The following QDPR variants were observed in gnomAD, a reference collection of about 807,000 sequenced individuals.
QDPR encodes the protein quinoid dihydropteridine reductase.
A neutral mutation model predicts 31.7 loss-of-function variants in QDPR; 23 were observed. The observed-to-expected ratio is 0.73, with a 90% CI of 0.52 to 1.03. QDPR has a LOEUF of 1.03. QDPR is among the 50% of genes least tolerant of loss of function. The pLI, the probability that QDPR is intolerant of heterozygous loss-of-function variation, is 0.00. For missense variants in QDPR, 324 were observed against 323.8 expected, an observed-to-expected ratio of 1.00 and a Z score of 0.00; for synonymous variants, 124 against 124.7, an observed-to-expected ratio of 0.99 and a Z score of 0.03.
chr4:17,493,129 A>G (rs1050047071), intron 4 of QDPR, among the ~76,000 whole-genome samples: 8 of 152,118 alleles, frequency 5.3e-5, no homozygotes, highest in African/African-American at 1.7e-4. Flanking sequence ...CCAGACACCA[A>G]CTGGGTGTCT....
rs148461725 is a variant in QDPR at position 17,505,013 on chromosome 4, T to C, written c.199-538A>G. On this transcript the variant is annotated intron_variant, in intron 2 of 6. Transcript: ENST00000281243. ...AAAAAATACAGTCAATAGCAATATGTTGGTAATATTAAGTACATGGGGGTT... is the reference window on the plus strand; with the variant it reads ...AAAAAATACAGTCAATAGCAATATGCTGGTAATATTAAGTACATGGGGGTT... 4.9e-3 allele frequency among the ~76,000 whole-genome samples: 744 copies of C among 152,272 alleles called. 7 individuals carry two copies. The highest frequency in any genetic ancestry group is 0.017 in the African/African-American group (726 of 41,556).
chr4:17,505,673 A>G (rs1405911961), intron 2 of QDPR, among the ~76,000 whole-genome samples: 2 of 152,198 alleles, frequency 1.3e-5, no homozygotes, highest in East Asian at 3.8e-4. Context: ...GCAACATAAC[A>G]AGACCTCATC....
intron 2 of QDPR, among the ~76,000 whole-genome samples, chr4:17,508,907 C>T (rs1282406085): frequency 1.3e-5 from 2 of 152,108 alleles, no homozygotes; most frequent in East Asian, 1.9e-4. Context: ...GCCTGTAATC[C>T]GAGCACTTTG....
intron 4 of QDPR, among the ~76,000 whole-genome samples, chr4:17,494,426 A>G (rs977850434): frequency 8.5e-5 from 13 of 152,188 alleles, no homozygotes; most frequent in African/African-American, 2.9e-4. Flanking sequence ...CTTCATCACC[A>G]GAACATGTGA....
chr4:17,509,240 T>C, intron 2 of QDPR, 31 bp downstream of exon 2: 1 of 1,560,022 alleles, frequency 6.4e-7, no homozygotes. Context: ...AGGGTTCCCC[T>C]CACAATGTTT....
chr4:17,492,992 A>C (rs1366792141), intron 4 of QDPR, among the ~76,000 whole-genome samples: 3 of 152,174 alleles, frequency 2.0e-5, no homozygotes, highest in African/African-American at 7.2e-5. Flanking sequence ...CACACATTCA[A>C]ATCCCAGTTC....
At chr4:17,510,221 ATGGACTTTAGGAT>A (rs1214640081) in intron 1 of QDPR, among the ~76,000 whole-genome samples, 1 of 152,194 alleles carries the variant, frequency 6.6e-6, no homozygotes, top group East Asian at 1.9e-4. Context: ...GCAGAGAGGG[ATGGACTTTAGGAT>A]TGGAAATCAG....
intron 2 of QDPR, 138 bp downstream of exon 2, chr4:17,509,133 G>A: frequency 1.4e-6 from 1 of 718,230 alleles, no homozygotes; most frequent in Non-Finnish European, 2.4e-6. Context: ...ACTCCAGCCT[G>A]GGCGACAGAG....
At chr4:17,511,184 C>A (rs73800221) in intron 1 of QDPR, among the ~76,000 whole-genome samples, 2,078 of 152,242 alleles carry the variant, frequency 0.014, 44 homozygotes, top group African/African-American at 0.047. Context: ...CTGCCGCTGG[C>A]AGTGTCTCCA....
chr4:17,511,942 A>C lies in QDPR; in HGVS notation c.105+8T>G. 1.9e-6 allele frequency: 3 copies of C among 1,608,454 alleles called. No homozygotes were observed. Among genetic ancestry groups the C allele is most frequent in the Non-Finnish European group, 2.5e-6 (3 of 1,178,212 alleles). On this transcript the variant is annotated splice_region_variant and intron_variant, in intron 1 of 6. Transcript: ENST00000281243. Reference sequence around the variant, plus strand: ...CGGAGACCCAGCAGCCCCAGCCCGCAGCATTACCCAGTTGCGGGCCCGAAA... The same window carrying C: ...CGGAGACCCAGCAGCCCCAGCCCGCCGCATTACCCAGTTGCGGGCCCGAAA...
intron 2 of QDPR, among the ~76,000 whole-genome samples, chr4:17,505,067 G>C (rs1212617306): frequency 1.3e-5 from 2 of 152,080 alleles, no homozygotes; most frequent in Non-Finnish European, 2.9e-5. Context: ...GCTTCTGTTT[G>C]TTTGAGATTT....
intron 4 of QDPR, among the ~76,000 whole-genome samples, chr4:17,494,812 C>T (rs1477001446): frequency 6.6e-6 from 1 of 152,080 alleles, no homozygotes; most frequent in East Asian, 1.9e-4. Flanking sequence ...TTTCCAGCCA[C>T]CAAAAAAAAT....
intron 5 of QDPR, 67 bp downstream of exon 5, chr4:17,492,165 C>A: frequency 2.2e-6 from 3 of 1,389,548 alleles, no homozygotes; most frequent in South Asian, 2.4e-5. Context: ...AAGCTACAGT[C>A]AGACAAACGG....
chr4:17,491,752 G>C (rs940144931), intron 5 of QDPR, among the ~76,000 whole-genome samples: 4 of 152,142 alleles, frequency 2.6e-5, no homozygotes, highest in African/African-American at 9.7e-5. Flanking sequence ...GTATTGCTAT[G>C]GTCTGAATGT....
intron 4 of QDPR, 42 bp from the exon 5 acceptor site, chr4:17,492,382 CA>C (rs1718199520): frequency 6.8e-7 from 1 of 1,477,396 alleles, no homozygotes; most frequent in East Asian, 2.3e-5. Context: ...CACTGGCGGC[CA>C]GGGGGACAGC....
At chr4:17,493,450 A>G (rs1718241105) in intron 4 of QDPR, among the ~76,000 whole-genome samples, 1 of 152,218 alleles carries the variant, frequency 6.6e-6, no homozygotes, top group Non-Finnish European at 1.5e-5. Flanking sequence ...ACCCTACTTC[A>G]GATGGCAGTC....
chr4:17,495,301 C>T lies in QDPR; in HGVS notation c.437-2961G>A, dbSNP rs148753141. ...GGGGCTGCCAGGGTCTGCCTGCTCC[C>T]GGGCATCAAAACCCACTTACCCCAC... On this transcript the variant is annotated intron_variant, in intron 4 of 6. Transcript: ENST00000281243. Among the ~76,000 whole-genome samples, 68 of 152,266 alleles carry T rather than the reference C, an allele frequency of 4.5e-4. No homozygotes were observed. In the East Asian group the frequency reaches 0.011, roughly 25 times the overall value.
chr4:17,509,066 G>A (rs552860277), intron 2 of QDPR, among the ~76,000 whole-genome samples: 23 of 152,276 alleles, frequency 1.5e-4, no homozygotes, highest in African/African-American at 5.5e-4. Flanking sequence ...GCTGAGGCAG[G>A]AGAATTGCTT....
At chr4:17,511,576 G>A (rs1012253004) in intron 1 of QDPR, among the ~76,000 whole-genome samples, 5 of 152,146 alleles carry the variant, frequency 3.3e-5, no homozygotes, top group Non-Finnish European at 1.5e-5. Flanking sequence ...TCAATACGCG[G>A]TCTCATGACT....
Sources: allele counts gnomAD v4.1 joint callset (sites outside exome capture counted in the v4.1 genomes callset), GRCh38; gene constraint gnomAD v4.1.1; transcripts MANE v1.5; gene names NCBI Gene and HGNC (gene_info 2026-07-23, HGNC 2026-07-21).